Variants in ITFG2 observed in about 807,000 individuals in gnomAD.
The protein encoded by ITFG2 is KICSTOR complex protein ITFG2.
ITFG2 carries 36 observed loss-of-function variants against 54.4 expected under a neutral mutation model. That is an observed-to-expected ratio of 0.66 (90% CI 0.51 to 0.87). ITFG2 has a LOEUF of 0.87. Ranked by LOEUF, ITFG2 falls within the 40% of genes least tolerant of loss-of-function variation. ITFG2 has a pLI of 0.00. For synonymous variants in ITFG2, 211 were observed against 225.4 expected (o/e 0.94, Z 0.57); for missense variants, 524 against 576.7 (o/e 0.91, Z 0.94).
At chr12:2,827,172 A>G (rs367552353), downstream of ITFG2, 2 of 1,613,700 alleles carry the variant, frequency 1.2e-6, no homozygotes, top group South Asian at 2.2e-5. The surrounding 1 kb of genome is among the most constrained non-coding windows in gnomAD (Gnocchi z 4.0). Flanking sequence ...TTCTAAGGCA[A>G]GGTCTTTCCC....
intron 10 of ITFG2, 50 bp from the exon 11 acceptor site, chr12:2,823,720 T>C (rs374116099): frequency 6.6e-7 from 1 of 1,508,630 alleles, no homozygotes; most frequent in African/African-American, 1.4e-5. Context: ...TGCCCCCCAC[T>C]GTCGGCACTG....
intron 1 of ITFG2, among the ~76,000 whole-genome samples, chr12:2,814,311 CCTT>C: frequency 6.6e-6 from 1 of 152,260 alleles, no homozygotes; most frequent in South Asian, 2.1e-4. Context: ...TATCTGATTG[CCTT>C]CTTTGTTTAA....
At chr12:2,812,879 A>C (rs113815065) in intron 1 of ITFG2, 23 bp downstream of exon 1, 11 of 1,589,322 alleles carry the variant, frequency 6.9e-6, no homozygotes, top group Non-Finnish European at 8.6e-6. Flanking sequence ...GCACCGCAAG[A>C]GACAGCCTGG....
At chr12:2,819,076 G>A (rs2097933057) in intron 4 of ITFG2, among the ~76,000 whole-genome samples, 1 of 151,660 alleles carries the variant, frequency 6.6e-6, no homozygotes, top group South Asian at 2.1e-4. Flanking sequence ...CCAGCACTTC[G>A]AGAGCACTTT....
intron 2 of ITFG2, among the ~76,000 whole-genome samples, chr12:2,847,537 C>T (rs1201183889): frequency 6.6e-6 from 1 of 152,040 alleles, no homozygotes; most frequent in Admixed American, 6.6e-5. Flanking sequence ...CATCGTGGCG[C>T]ACGCCTGTAG....
chr12:2,859,591 C>T lies in ITFG2; in HGVS notation n.678C>T, dbSNP rs1157284265. On this transcript the variant is annotated non_coding_transcript_exon_variant, in exon 4 of 4. Transcript: ENST00000537710. ...GGAAGCAAAGGAGAAAACCCTTCTC[C>T]AAACAGGAGTTTCTCCTCTTTCCCT... The T allele has an allele frequency of 3.7e-6, 6 of 1,613,546 alleles. No individual in the cohort carries two copies. The African/African-American group carries it at 8.0e-5, about 22-fold the overall frequency.
upstream of ITFG2, among the ~76,000 whole-genome samples, chr12:2,836,219 T>G (rs926275474): frequency 6.6e-6 from 1 of 152,240 alleles, no homozygotes; most frequent in Non-Finnish European, 1.5e-5. Context: ...CAGTGCACAC[T>G]GAGACAGCTG....
At chr12:2,855,420 T>A in intron 2 of ITFG2, 1 of 315,654 alleles carries the variant, frequency 3.2e-6, no homozygotes, top group Non-Finnish European at 6.4e-6. Context: ...TTTGGGAGGG[T>A]GGGAGGGACT....
chr12:2,857,290 C>T, intron 2 of ITFG2: 1 of 523,216 alleles, frequency 1.9e-6, no homozygotes, highest in South Asian at 2.1e-5. Flanking sequence ...GCAGGGCAGG[C>T]TGGCTCCCAG....
intron 2 of ITFG2, chr12:2,830,690 C>T: frequency 2.5e-6 from 4 of 1,599,534 alleles, no homozygotes; most frequent in African/African-American, 1.3e-5. Flanking sequence ...GAAAGTGTGT[C>T]CCTGGGAGGC....
intron 1 of ITFG2, 164 bp downstream of exon 1, chr12:2,813,020 GT>G: frequency 1.8e-6 from 1 of 556,808 alleles, no homozygotes; most frequent in South Asian, 2.3e-5. Flanking sequence ...AGTGTTCGTG[GT>G]TGGTTTTGTT....
chr12:2,824,235 C>T lies in ITFG2; in HGVS notation c.*42C>T, dbSNP rs570235143. The T allele has an allele frequency of 4.5e-6, 7 of 1,567,392 alleles. No individual in the cohort carries two copies. The highest frequency in any genetic ancestry group is 6.2e-6 in the Non-Finnish European group (7 of 1,137,808). On this transcript the variant is annotated 3_prime_UTR_variant, in exon 12 of 12. Coordinates refer to ENST00000228799, the MANE Select transcript of ITFG2 (RefSeq NM_018463.4). ...GCTGGTGAAGGATTCTTCTGAACCC[C>T]CACCCTACCCCCTAAAGGTATCTGT...
At chr12:2,817,400 T>TGGG in intron 2 of ITFG2, 82 bp downstream of exon 2, 10 of 906,678 alleles carry the variant, frequency 1.1e-5, no homozygotes, top group East Asian at 2.6e-5. Context: ...CCCACACAGG[T>TGGG]GCTCACCCAT....
chr12:2,819,920 G>A (rs1056348544), intron 4 of ITFG2, 166 bp from the exon 5 acceptor site: 1 of 759,384 alleles, frequency 1.3e-6, no homozygotes, highest in African/African-American at 1.8e-5. Context: ...CAAATGGACG[G>A]GCAAGATGCC....
intron 2 of ITFG2, among the ~76,000 whole-genome samples, chr12:2,853,603 T>C (rs533609606): frequency 6.8e-6 from 1 of 147,110 alleles, no homozygotes; most frequent in South Asian, 2.4e-4. Context: ...TTGTTTTTGT[T>C]TTTGTTTTTG....
intron 2 of ITFG2, chr12:2,854,953 GCCTCACT>G: frequency 6.5e-7 from 1 of 1,536,212 alleles, no homozygotes; most frequent in Middle Eastern, 1.7e-4. Flanking sequence ...GGGTGCTCTT[GCCTCACT>G]CCTCAACTTG....
chr12:2,824,262 G>A lies in ITFG2; in HGVS notation c.*69G>A. The A allele has an allele frequency of 6.8e-7, 1 of 1,460,218 alleles. No homozygotes were observed. The highest frequency in any genetic ancestry group is 9.6e-7 in the Non-Finnish European group (1 of 1,041,938). 90.5% of individuals were successfully genotyped at this position (1,460,218 alleles called of 1,614,324 possible). On this transcript the variant is annotated 3_prime_UTR_variant, in exon 12 of 12. Coordinates refer to ENST00000228799, the MANE Select transcript of ITFG2 (RefSeq NM_018463.4). ...ACCCTACCCCCTAAAGGTATCTGTG[G>A]TATTGGCAGGATAGGGAATATGCAT...
At chr12:2,827,014 G>A, downstream of ITFG2, 1 of 1,409,346 alleles carries the variant, frequency 7.1e-7, no homozygotes, top group Non-Finnish European at 9.2e-7. The surrounding 1 kb of genome is among the most constrained non-coding windows in gnomAD (Gnocchi z 4.0). Flanking sequence ...ACTCGTCCTG[G>A]GGAGTAGGAC....
At chr12:2,817,069 AGT>A (rs762346470) in intron 1 of ITFG2, among the ~76,000 whole-genome samples, 152 bp from the exon 2 acceptor site, 1 of 152,196 alleles carries the variant, frequency 6.6e-6, no homozygotes, top group African/African-American at 2.4e-5. Context: ...TGGGATTACA[AGT>A]GTGAGTCATT....
Sources: gnomAD v4.1 joint callset for allele counts (sites outside exome capture counted in the v4.1 genomes callset) on GRCh38, gnomAD v4.1.1 for gene constraint, Gnocchi (gnomAD v3.1) non-coding constraint, MANE v1.5 for transcripts, NCBI Gene and HGNC (gene_info 2026-07-23, HGNC 2026-07-21) for gene names.